The following CACNA2D3 variants were observed in gnomAD, a reference collection of about 807,000 sequenced individuals.
The protein encoded by CACNA2D3 is voltage-dependent calcium channel subunit alpha-2/delta-3.
In CACNA2D3, 60 loss-of-function variants were observed where a neutral mutation model predicts 160.6. The observed-to-expected ratio is 0.37, with a 90% CI of 0.30 to 0.46. The LOEUF is 0.46. CACNA2D3 is among the 20% of genes least tolerant of loss of function. CACNA2D3 has a pLI of 1.00. For synonymous variants in CACNA2D3, 558 were observed against 492.9 expected (o/e 1.13, Z -1.75); for missense variants, 1,205 against 1,365.0 (o/e 0.88, Z 1.85).
chr3:54,502,261 A>G (rs759265267), intron 4 of CACNA2D3, among the ~76,000 whole-genome samples: 1 of 152,172 alleles, frequency 6.6e-6, no homozygotes, highest in Non-Finnish European at 1.5e-5. Flanking sequence ...CATTACACAT[A>G]TGTTACACGT....
intron 27 of CACNA2D3, among the ~76,000 whole-genome samples, chr3:54,922,245 C>T (rs1356006644): frequency 6.6e-6 from 1 of 151,986 alleles, no homozygotes; most frequent in Admixed American, 6.6e-5. Flanking sequence ...TCCCAAAGAC[C>T]ACCAGCAAGT....
At chr3:54,319,022 CTCTT>C (rs1703930442) in intron 2 of CACNA2D3, among the ~76,000 whole-genome samples, 2 of 152,126 alleles carry the variant, frequency 1.3e-5, no homozygotes, top group African/African-American at 4.8e-5. Context: ...GAAGAATTCT[CTCTT>C]TACATTCGTT....
At chr3:54,392,223 A>G (rs1437238883) in intron 4 of CACNA2D3, among the ~76,000 whole-genome samples, 3 of 152,116 alleles carry the variant, frequency 2.0e-5, no homozygotes, top group Admixed American at 6.5e-5. Context: ...AATTAAGTCT[A>G]TACATGTTCT....
chr3:54,342,114 A>C (rs1698364035), intron 3 of CACNA2D3, among the ~76,000 whole-genome samples: 1 of 152,206 alleles, frequency 6.6e-6, no homozygotes, highest in Non-Finnish European at 1.5e-5. Flanking sequence ...AAGCCCATCA[A>C]TATCTATTTA....
Position 54,187,343 on chromosome 3 carries a change from C to T in CACNA2D3, c.204+63749C>T, listed in dbSNP as rs149198225. Reference sequence around the variant, plus strand: ...TTTGATCTCATAGCAACTGGGTAGACAGAAACTACAGAGATTTTAAAGGCT... The same window carrying T: ...TTTGATCTCATAGCAACTGGGTAGATAGAAACTACAGAGATTTTAAAGGCT... On this transcript the variant is annotated intron_variant, in intron 2 of 37. Transcript: ENST00000474759. Among the ~76,000 whole-genome samples the T allele has an allele frequency of 8.9e-4, 136 of 152,310 alleles. 1 individual carries two copies. The highest frequency in any genetic ancestry group is 3.2e-3 in the African/African-American group (131 of 41,562).
At chr3:54,391,516 C>CTTTTTT (rs758458509) in intron 4 of CACNA2D3, among the ~76,000 whole-genome samples, 2 of 142,032 alleles carry the variant, frequency 1.4e-5, no homozygotes, top group Non-Finnish European at 1.5e-5. Flanking sequence ...TTCTTTCTTT[C>CTTTTTT]TTTTTTTTTT....
At chr3:54,973,684 G>C (rs933859877) in intron 29 of CACNA2D3, among the ~76,000 whole-genome samples, 10 of 152,104 alleles carry the variant, frequency 6.6e-5, no homozygotes, top group Non-Finnish European at 1.0e-4. Flanking sequence ...GTTTGAGGAC[G>C]ATTTGAATAG....
chr3:54,125,181 A>G (rs1300634563), intron 2 of CACNA2D3, among the ~76,000 whole-genome samples: 1 of 151,968 alleles, frequency 6.6e-6, no homozygotes, highest in Non-Finnish European at 1.5e-5. Context: ...GTGCTTTCAT[A>G]TCTTTTATCC....
In CACNA2D3 at chr3:54,796,277, T is replaced by C. The variant is rs563783623; in HGVS notation, c.1381-20576T>C. 3.3e-5 allele frequency among the ~76,000 whole-genome samples: 5 copies of C among 152,290 alleles called. No homozygotes were observed. In the South Asian group the frequency reaches 1.0e-3, roughly 32 times the overall value. The stretch of plus-strand genomic sequence containing the variant: ...TTTGGAGTCAGTCTCAGTGTCCTCA[T>C]TTGCAGAGTGAAGATGATTGTACTT... On this transcript the variant is annotated intron_variant, in intron 13 of 37. Coordinates refer to ENST00000474759, the MANE Select transcript of CACNA2D3 (RefSeq NM_018398.3).
chr3:55,013,027 A>G, intron 34 of CACNA2D3, among the ~76,000 whole-genome samples: 1 of 152,096 alleles, frequency 6.6e-6, no homozygotes, highest in East Asian at 1.9e-4. Context: ...CCCCAAATAG[A>G]TCATTTCAGC....
intron 11 of CACNA2D3, among the ~76,000 whole-genome samples, chr3:54,701,021 C>G (rs1700758725): frequency 6.6e-6 from 1 of 152,170 alleles, no homozygotes; most frequent in South Asian, 2.1e-4. Context: ...CTGCAGAATT[C>G]TCTGTTCTAA....
In CACNA2D3 at chr3:54,368,764, C is replaced by T. The variant is rs139763007; in HGVS notation, c.322-17951C>T. ...TCACCCAGGCTGTAGTGTAGTGGCA[C>T]GATCTCGGCTCACTGCAAGCTCCGC... is the stretch of plus-strand genomic sequence containing the variant. On this transcript the variant is annotated intron_variant, in intron 3 of 37. Transcript: ENST00000474759. Among the ~76,000 whole-genome samples the T allele has an allele frequency of 3.3e-3, 437 of 131,780 alleles. 5 individuals are homozygous for T. The highest frequency in any genetic ancestry group is 0.011 in the African/African-American group (397 of 36,384). The allele number at this position is 131,780 out of a possible 152,430, so 86.5% of individuals were successfully genotyped here. A position where few individuals can be genotyped will look rare whatever the true frequency, so the allele number is the denominator to read the frequency against.
chr3:54,584,004 A>G lies in CACNA2D3; in HGVS notation c.963+2127A>G, dbSNP rs553663645. The stretch of plus-strand genomic sequence containing the variant: ...CTTTTTCTACTCCAGCTGAATATCA[A>G]CGGAACAACCAATCCTACATGGTTT... On this transcript the variant is annotated intron_variant, in intron 9 of 37. Coordinates refer to ENST00000474759, the MANE Select transcript of CACNA2D3 (RefSeq NM_018398.3). 3.0e-4 allele frequency among the ~76,000 whole-genome samples: 46 copies of G among 152,128 alleles called. 1 individual carries two copies. The highest frequency in any genetic ancestry group is 1.1e-3 in the African/African-American group (45 of 41,430).
intron 4 of CACNA2D3, among the ~76,000 whole-genome samples, chr3:54,459,548 C>T (rs1204456017): frequency 1.3e-5 from 2 of 151,822 alleles, no homozygotes; most frequent in East Asian, 1.9e-4. Context: ...TTTCATGTGT[C>T]TTTTGGCTAC....
At chr3:54,849,623 A>G (rs1699012055) in intron 17 of CACNA2D3, among the ~76,000 whole-genome samples, 1 of 152,198 alleles carries the variant, frequency 6.6e-6, no homozygotes, top group Non-Finnish European at 1.5e-5. Flanking sequence ...TGGCTAGCTC[A>G]GGCAGGGAAC....
intron 27 of CACNA2D3, among the ~76,000 whole-genome samples, chr3:54,917,553 G>T (rs1359507071): frequency 6.6e-6 from 1 of 152,192 alleles, no homozygotes; most frequent in Non-Finnish European, 1.5e-5. Context: ...GTGTGGGTGT[G>T]GTTGTACAAC....
At chr3:54,759,582 A>T (rs1312322412) in intron 12 of CACNA2D3, among the ~76,000 whole-genome samples, 3 of 152,000 alleles carry the variant, frequency 2.0e-5, no homozygotes. Context: ...TATTATTTTT[A>T]AAATTTTATC....
chr3:54,637,054 A>G (rs1699390769), intron 10 of CACNA2D3, among the ~76,000 whole-genome samples: 1 of 151,980 alleles, frequency 6.6e-6, no homozygotes, highest in African/African-American at 2.4e-5. Context: ...CGGGGTGGAT[A>G]GGCAAAACAA....
chr3:54,891,394 T>TC lies in CACNA2D3; in HGVS notation c.2191dup (p.Arg731ProfsTer14). On this transcript the variant is annotated frameshift_variant, in exon 25 of 38. Coordinates refer to ENST00000474759, the MANE Select transcript of CACNA2D3 (RefSeq NM_018398.3). LOFTEE classifies it high-confidence loss of function. ...GCGTGGAGGTTGCCTTCCTCGGCAC[T>TC]CGCACGGGCCTCTCCAGAATCAACC... 1 of 1,613,942 alleles carries TC rather than the reference T, an allele frequency of 6.2e-7. No homozygotes were observed. Among genetic ancestry groups the TC allele is most frequent in the Non-Finnish European group, 8.5e-7 (1 of 1,179,876 alleles).
Sources: gnomAD v4.1 joint callset for allele counts (sites outside exome capture counted in the v4.1 genomes callset) on GRCh38, gnomAD v4.1.1 for gene constraint, MANE v1.5 for transcripts, NCBI Gene and HGNC (gene_info 2026-07-23, HGNC 2026-07-21) for gene names.